Variants in MAOA observed in about 807,000 individuals in gnomAD.
The protein encoded by MAOA is monoamine oxidase A, also known as amine oxidase [flavin-containing] A.
In MAOA, 6 loss-of-function variants were observed where a neutral mutation model predicts 42.0. That is an observed-to-expected ratio of 0.14 (90% CI 0.08 to 0.28). MAOA has a LOEUF of 0.28. Ranked by LOEUF, MAOA falls within the 10% of genes least tolerant of loss-of-function variation. MAOA has a pLI of 1.00. For synonymous variants in MAOA, 140 were observed against 154.0 expected (o/e 0.91, Z 0.67); for missense variants, 262 against 422.3 (o/e 0.62, Z 3.33).
chrX:43,683,406 C>A (rs896218129), intron 1 of MAOA, 107 bp from the exon 2 acceptor site: 1 of 591,677 alleles, frequency 1.7e-6, no homozygotes, highest in Non-Finnish European at 2.9e-6. Context: ...ACAGCAAAAT[C>A]ATTGGATTGT....
At chrX:43,710,401 A>G (rs983956561) in intron 3 of MAOA, among the ~76,000 whole-genome samples, 1 of 112,523 alleles carries the variant, frequency 8.9e-6, no homozygotes, top group Non-Finnish European at 1.9e-5. Context: ...TGGCTGCCAT[A>G]TATTCTTACT....
intron 3 of MAOA, among the ~76,000 whole-genome samples, chrX:43,702,742 A>G (rs2033633222): frequency 8.9e-6 from 1 of 112,374 alleles, no homozygotes; most frequent in Admixed American, 9.5e-5. Flanking sequence ...TTTCATTCCC[A>G]TAGCTCTCCT....
chrX:43,733,932 C>A (rs1012500485), intron 9 of MAOA, among the ~76,000 whole-genome samples: 1 of 111,699 alleles, frequency 9.0e-6, no homozygotes, highest in Admixed American at 9.5e-5. Context: ...TCATCTCTAA[C>A]CCTATTGGGC....
At chrX:43,708,461 C>G (rs1006490196) in intron 3 of MAOA, among the ~76,000 whole-genome samples, 7 of 110,782 alleles carry the variant, frequency 6.3e-5, no homozygotes, top group African/African-American at 2.0e-4. Flanking sequence ...AAGACATCTT[C>G]CAGGCCCCCC....
intron 12 of MAOA, among the ~76,000 whole-genome samples, chrX:43,742,559 G>A (rs2033967694): frequency 8.9e-6 from 1 of 112,408 alleles, no homozygotes. Flanking sequence ...TTGCTCCATG[G>A]GAGCCATTAT....
chrX:43,743,617 C>G, intron 12 of MAOA, 177 bp from the exon 13 acceptor site: 1 of 505,220 alleles, frequency 2.0e-6, no homozygotes, highest in Non-Finnish European at 3.4e-6. Context: ...AGTTCAGATC[C>G]TCTATGCAGA....
At chrX:43,688,968 A>T (rs999598690) in intron 2 of MAOA, among the ~76,000 whole-genome samples, 1 of 112,162 alleles carries the variant, frequency 8.9e-6, no homozygotes, top group African/African-American at 3.2e-5. Context: ...TATAGTTATA[A>T]CAGCTTACAT....
At chrX:43,660,514 G>A (rs893292781) in intron 1 of MAOA, among the ~76,000 whole-genome samples, 1 of 111,263 alleles carries the variant, frequency 9.0e-6, no homozygotes, top group Non-Finnish European at 1.9e-5. Flanking sequence ...TAGTCTCACC[G>A]CCTCGTGTCC....
chrX:43,726,826 G>T (rs1032239553), intron 5 of MAOA, among the ~76,000 whole-genome samples: 1 of 111,874 alleles, frequency 8.9e-6, no homozygotes, highest in Non-Finnish European at 1.9e-5. Context: ...TCTACCTTTG[G>T]TCTTTGATGT....
intron 1 of MAOA, among the ~76,000 whole-genome samples, chrX:43,675,599 T>C (rs2033387578): frequency 8.9e-6 from 1 of 112,166 alleles, no homozygotes; most frequent in South Asian, 3.7e-4. Flanking sequence ...TTGATGATGG[T>C]GATGTACATA....
Position 43,699,816 on chromosome X carries a change from G to C in MAOA, c.306+6388G>C, listed in dbSNP as rs189567019. Among the ~76,000 whole-genome samples the C allele has an allele frequency of 4.9e-3, 550 of 111,679 alleles. 4 individuals carry two copies. Among genetic ancestry groups the C allele is most frequent in the Non-Finnish European group, 9.0e-3 (481 of 53,168 alleles). ...TTGGTTTTAGCCAGCAGGCCATGTA[G>C]AAAGCAGAGTTTGTCTTAATGCTTA... On this transcript the variant is annotated intron_variant, in intron 3 of 14. Coordinates refer to ENST00000338702, the MANE Select transcript of MAOA (RefSeq NM_000240.4).
chrX:43,670,518 A>T (rs918581380), intron 1 of MAOA, among the ~76,000 whole-genome samples: 10 of 106,339 alleles, frequency 9.4e-5, no homozygotes, highest in Non-Finnish European at 9.7e-5. Context: ...ACATATGTAT[A>T]CATGTGCCAT....
chrX:43,720,237 A>G (rs1279853712), intron 5 of MAOA, among the ~76,000 whole-genome samples: 1 of 110,028 alleles, frequency 9.1e-6, no homozygotes. Flanking sequence ...TCTTCTAGGA[A>G]TGACCTACAG....
chrX:43,742,258 T>C (rs751190169), intron 12 of MAOA, among the ~76,000 whole-genome samples: 2 of 112,221 alleles, frequency 1.8e-5, no homozygotes, highest in African/African-American at 6.5e-5. Context: ...AGCAGAACAG[T>C]GGGGAGGATT....
At chrX:43,674,735 G>A (rs1362686468) in intron 1 of MAOA, among the ~76,000 whole-genome samples, 10 of 110,635 alleles carry the variant, frequency 9.0e-5, no homozygotes, top group African/African-American at 3.3e-4. Flanking sequence ...TGAAATTCTG[G>A]GTTGAAAATT....
intron 1 of MAOA, among the ~76,000 whole-genome samples, chrX:43,670,392 T>C (rs1239684654): frequency 9.0e-6 from 1 of 111,458 alleles, no homozygotes; most frequent in Non-Finnish European, 1.9e-5. Context: ...ATACATACCA[T>C]TGAATTTGTG....
intron 2 of MAOA, among the ~76,000 whole-genome samples, chrX:43,686,609 G>A (rs926056145): frequency 2.7e-5 from 3 of 111,417 alleles, no homozygotes; most frequent in African/African-American, 9.8e-5. Flanking sequence ...GAACAGCCTG[G>A]GAAACATGGT....
chrX:43,744,376 G>A lies in MAOA; in HGVS notation c.1447G>A (p.Ala483Thr), dbSNP rs1249413710. The change falls in exon 15 of 15, where the codon GCG (alanine) becomes ACG (threonine). Residue 483 changes from alanine to threonine, a missense_variant. By Grantham distance (58) the Ala-to-Thr change is moderately conservative. Around this residue, in one of 3 missense-constraint regions of MAOA, gnomAD observed 35 missense variants for 36.4 expected, o/e 0.96. Coordinates refer to ENST00000338702, the MANE Select transcript of MAOA (RefSeq NM_000240.4). ...VQEPESKDVP[A>T]VEITHTFWER... ...GTGTTCCTTCATCTAGGACGTTCCAGCGGTAGAAATCACCCACACCTTCTG... is the reference window on the plus strand; with the variant it reads ...GTGTTCCTTCATCTAGGACGTTCCAACGGTAGAAATCACCCACACCTTCTG... 4.3e-5 allele frequency: 52 copies of A among 1,208,976 alleles called. No individual in the cohort carries two copies. The highest frequency in any genetic ancestry group is 5.8e-5 in the Non-Finnish European group (52 of 894,871).
chrX:43,720,871 G>T (rs922780794), intron 5 of MAOA, among the ~76,000 whole-genome samples: 2 of 109,811 alleles, frequency 1.8e-5, no homozygotes, highest in Admixed American at 1.9e-4. Context: ...GGTGTAGGCA[G>T]ATGGTATCTA....
Sources: gnomAD v4.1 joint callset for allele counts (sites outside exome capture counted in the v4.1 genomes callset) on GRCh38, gnomAD v4.1.1 for gene constraint, gnomAD v4.1.1 regional missense constraint, MANE v1.5 for transcripts, NCBI Gene and HGNC (gene_info 2026-07-23, HGNC 2026-07-21) for gene names.